RAB11FIP5: variants seen among roughly 807,000 people sequenced by gnomAD.
The protein encoded by RAB11FIP5 is rab11 family-interacting protein 5.
RAB11FIP5 carries 48 observed loss-of-function variants against 85.1 expected under a neutral mutation model. The observed-to-expected ratio is 0.56, with a 90% CI of 0.45 to 0.72. The LOEUF is 0.72. Ranked by LOEUF, RAB11FIP5 falls within the 30% of genes least tolerant of loss-of-function variation. The pLI, the probability that RAB11FIP5 is intolerant of heterozygous loss-of-function variation, is 0.00. For synonymous variants in RAB11FIP5, 729 were observed against 727.3 expected, an observed-to-expected ratio of 1.00 and a Z score of -0.04; for missense variants, 1,491 against 1,687.0, an observed-to-expected ratio of 0.88 and a Z score of 2.04.
chr2:73,098,666 C>T (rs1167283420), intron 1 of RAB11FIP5, among the ~76,000 whole-genome samples: 4 of 152,146 alleles, frequency 2.6e-5, no homozygotes, highest in East Asian at 1.9e-4. Flanking sequence ...CACTCACCCC[C>T]GCATCCAGGA....
rs1400994465 is a variant in RAB11FIP5, at chr2:73,088,147, G to A, written c.1471C>T (p.Leu491=). 1.9e-6 allele frequency: 3 copies of A among 1,614,114 alleles called. No homozygotes were observed. Among genetic ancestry groups the A allele is most frequent in the Admixed American group, 1.7e-5 (1 of 60,032 alleles). The stretch of plus-strand genomic sequence containing the variant: ...GATGAGTGATGTGGGGAGGCCCCCA[G>A]GATGGGACCCCCCTTTTCCCCCAGA... The part of the protein sequence containing the change: ...SSLGEKGGPI[L]GASPHHSSSG... The change falls in exon 3 of 6, where the codon CTG becomes TTG. Residue 491 remains leucine, a synonymous_variant. Coordinates refer to ENST00000486777, the MANE Select transcript of RAB11FIP5 (RefSeq NM_001371272.1).
rs193271368 is a variant in RAB11FIP5, at chr2:73,106,922, C to T, written c.431+5425G>A. 2.2e-4 allele frequency among the ~76,000 whole-genome samples: 33 copies of T among 152,290 alleles called. 1 individual carries two copies. Among genetic ancestry groups the T allele is most frequent in the Admixed American group, 1.4e-3 (22 of 15,306 alleles). On this transcript the variant is annotated intron_variant, in intron 1 of 5. Coordinates refer to ENST00000486777, the MANE Select transcript of RAB11FIP5 (RefSeq NM_001371272.1). The stretch of plus-strand genomic sequence containing the variant: ...ACCCCCTCCCCACCCTGCAGCTTCT[C>T]GGAGGTGCTGGCTGCCCCTGGGAGC...
At chr2:73,100,411 T>G (rs1438024233) in intron 1 of RAB11FIP5, among the ~76,000 whole-genome samples, 2 of 149,848 alleles carry the variant, frequency 1.3e-5, no homozygotes, top group African/African-American at 2.5e-5. Context: ...AAATAACGGG[T>G]TTTTTTGGTT....
chr2:73,088,639 G>A lies in RAB11FIP5; in HGVS notation c.979C>T (p.His327Tyr), dbSNP rs1684143816. Residue 327 changes from histidine to tyrosine, a missense_variant, in exon 3 of 6, where the codon CAC becomes TAC. His to Tyr is a moderately conservative substitution (Grantham distance 83, BLOSUM62 2). This residue lies in a region of RAB11FIP5 where 1,211 missense variants were observed against 1,338.0 expected (regional missense o/e 0.91). Coordinates refer to ENST00000486777, the MANE Select transcript of RAB11FIP5 (RefSeq NM_001371272.1). ...GAAGAGCGGGAGGCAGCATCCAGGT[G>A]GCCCTGAAGGTCCAGAAGGGCCCGA... Reference protein sequence around the residue: ...PPRALLDLQGHLDAASRSSLC... With the variant: ...PPRALLDLQGYLDAASRSSLC... The A allele has an allele frequency of 5.0e-6, 8 of 1,613,296 alleles. No homozygotes were observed. Among genetic ancestry groups the A allele is most frequent in the Non-Finnish European group, 6.8e-6 (8 of 1,180,030 alleles).
intron 1 of RAB11FIP5, among the ~76,000 whole-genome samples, chr2:73,101,881 A>G (rs1249562920): frequency 6.6e-6 from 1 of 152,238 alleles, no homozygotes; most frequent in Non-Finnish European, 1.5e-5. Context: ...GGCCTCAGCC[A>G]GGCCTCTGCT....
Position 73,075,787 on chromosome 2 carries a change from T to TGCCCGCCC in RAB11FIP5, c.3772-71_3772-64dup, listed in dbSNP as rs941005897. 11 of 1,415,152 alleles carry TGCCCGCCC rather than the reference T, an allele frequency of 7.8e-6. No individual in the cohort carries two copies. The highest frequency in any genetic ancestry group is 4.1e-5 in the Admixed American group (2 of 48,312). 87.7% of individuals were successfully genotyped at this position (1,415,152 alleles called of 1,614,324 possible). ...AGGCCTGCCTGCCTGCCTGCCCGCT[T>TGCCCGCCC]GCCCGCCCGCCCGCCTGCCCACCAA... On this transcript the variant is annotated intron_variant, in intron 5 of 5. Transcript: ENST00000486777. This position sits in a 1 kb window ranked among gnomAD's most constrained non-coding sequence, Gnocchi z 4.6.
In RAB11FIP5 at chr2:73,076,135, G is replaced by C; in HGVS notation, c.3629C>G (p.Pro1210Arg). The C allele has an allele frequency of 6.2e-7, 1 of 1,613,860 alleles. No individual in the cohort carries two copies. Among genetic ancestry groups the C allele is most frequent in the South Asian group, 1.1e-5 (1 of 91,086 alleles). Residue 1210 changes from proline to arginine, a missense_variant, in exon 5 of 6, where the codon CCC becomes CGC. By Grantham distance (103) the Pro-to-Arg change is moderately radical. Coordinates refer to ENST00000486777, the MANE Select transcript of RAB11FIP5 (RefSeq NM_001371272.1). Reference sequence around the variant, plus strand: ...ACTGGAGCGGGACTGCTTCCTGTCGGGGCTGCCCTCCACAGGGGCGGCACT... The same window carrying C: ...ACTGGAGCGGGACTGCTTCCTGTCGCGGCTGCCCTCCACAGGGGCGGCACT... ...PLSAAPVEGS[P>R]DRKQSRSSLS...
intron 1 of RAB11FIP5, among the ~76,000 whole-genome samples, chr2:73,099,075 G>A (rs1407313435): frequency 1.5e-5 from 2 of 132,108 alleles, no homozygotes; most frequent in East Asian, 2.2e-4. Context: ...TTGAGACAGA[G>A]TTTTGCTCTT....
chr2:73,093,274 C>T (rs1174534268), intron 1 of RAB11FIP5, among the ~76,000 whole-genome samples: 2 of 152,172 alleles, frequency 1.3e-5, no homozygotes, highest in African/African-American at 4.8e-5. Context: ...GGGAAGCTCC[C>T]TCAGCTGCCA....
intron 1 of RAB11FIP5, among the ~76,000 whole-genome samples, chr2:73,099,142 T>A (rs1207023804): frequency 6.6e-6 from 1 of 150,526 alleles, no homozygotes; most frequent in Non-Finnish European, 1.5e-5. Flanking sequence ...CTCTGCCTCC[T>A]GAGTTCAAGC....
At position 73,074,324 on chromosome 2, in the gene RAB11FIP5, A is replaced by C. The variant is rs967061859; in HGVS notation, c.*1197T>G. ...CTAAGTCCTGAGGCCAGACAATGAGAGTGAGCAGGGCAGCCCCAGGCCTGC... is the reference window on the plus strand; with the variant it reads ...CTAAGTCCTGAGGCCAGACAATGAGCGTGAGCAGGGCAGCCCCAGGCCTGC... On this transcript the variant is annotated 3_prime_UTR_variant, in exon 6 of 6. Coordinates refer to ENST00000486777, the MANE Select transcript of RAB11FIP5 (RefSeq NM_001371272.1). 2 of 152,328 alleles carry C rather than the reference A, an allele frequency of 1.3e-5. No homozygotes were observed. Among genetic ancestry groups the C allele is most frequent in the Middle Eastern group, 3.1e-3 (1 of 318 alleles). The allele number at this position is 152,328 out of a possible 1,614,324, so 9.4% of individuals were successfully genotyped here.
At position 73,078,378 on chromosome 2, in the gene RAB11FIP5, A is replaced by G. The variant is rs1445667072; in HGVS notation, c.3581+1273T>C. On this transcript the variant is annotated intron_variant, in intron 4 of 5. Coordinates refer to ENST00000486777, the MANE Select transcript of RAB11FIP5 (RefSeq NM_001371272.1). This position sits in a 1 kb window ranked among gnomAD's most constrained non-coding sequence, Gnocchi z 4.4. Reference sequence around the variant, plus strand: ...ACTCTGGGACGAATAAAACTTATAAAAAGTGGCAAGTATTATTAGAGGTCA... The same window carrying G: ...ACTCTGGGACGAATAAAACTTATAAGAAGTGGCAAGTATTATTAGAGGTCA... Among the ~76,000 whole-genome samples the G allele has an allele frequency of 1.3e-5, 2 of 152,186 alleles. No homozygotes were observed. The highest frequency in any genetic ancestry group is 2.4e-5 in the African/African-American group (1 of 41,438).
chr2:73,109,054 A>T (rs958728209), intron 1 of RAB11FIP5, among the ~76,000 whole-genome samples: 1 of 152,110 alleles, frequency 6.6e-6, no homozygotes, highest in African/African-American at 2.4e-5. Context: ...CAAAAAAGAA[A>T]AAAAAAAGGA....
intron 1 of RAB11FIP5, among the ~76,000 whole-genome samples, chr2:73,092,813 C>T (rs901493787): frequency 6.6e-6 from 1 of 152,204 alleles, no homozygotes; most frequent in Non-Finnish European, 1.5e-5. Context: ...CTCTGGACCC[C>T]AGCTGCCATC....
At chr2:73,110,499 T>C (rs2106127539) in intron 1 of RAB11FIP5, among the ~76,000 whole-genome samples, 1 of 147,788 alleles carries the variant, frequency 6.8e-6, no homozygotes. Context: ...GTTCTATAAA[T>C]AAACCAGGTT....
chr2:73,112,493 C>T lies in RAB11FIP5; in HGVS notation c.285G>A (p.Pro95=), dbSNP rs942754693. The T allele has an allele frequency of 6.7e-7, 1 of 1,488,652 alleles. No homozygotes were observed. Among genetic ancestry groups the T allele is most frequent in the African/African-American group, 1.5e-5 (1 of 68,564 alleles). The allele number at this position is 1,488,652 out of a possible 1,614,324, so 92.2% of individuals were successfully genotyped here. A position where few individuals can be genotyped will look rare whatever the true frequency, so the allele number is the denominator to read the frequency against. ...CGGCGGAGCTCGCGGCCCAGGGCGC[C>T]GGGCCCGCGTCGGCCTCCTGCGCCC... ...LLRAQEADAG[P]APWAASSAAA... Residue 95 remains proline (P), a synonymous_variant, in exon 1 of 6, where the codon CCG becomes CCA. Transcript: ENST00000486777.
chr2:73,107,231 G>T (rs1684546020), intron 1 of RAB11FIP5, among the ~76,000 whole-genome samples: 1 of 152,220 alleles, frequency 6.6e-6, no homozygotes, highest in Non-Finnish European at 1.5e-5. Context: ...AGAAAAAGAG[G>T]ACTGCTTCCC....
intron 1 of RAB11FIP5, among the ~76,000 whole-genome samples, chr2:73,093,525 C>T (rs573691995): frequency 2.1e-4 from 32 of 152,334 alleles, no homozygotes; most frequent in African/African-American, 7.7e-4. Context: ...GGAGCTGTTA[C>T]AACCCTGCAG....
At chr2:73,096,240 G>A (rs1392072897) in intron 1 of RAB11FIP5, among the ~76,000 whole-genome samples, 3 of 152,174 alleles carry the variant, frequency 2.0e-5, no homozygotes, top group Non-Finnish European at 2.9e-5. Context: ...TGCTGGTGGG[G>A]TCCCCAGGCC....
Sources: gnomAD v4.1 joint callset for allele counts (sites outside exome capture counted in the v4.1 genomes callset) on GRCh38, gnomAD v4.1.1 for gene constraint, gnomAD v4.1.1 regional missense constraint, Gnocchi (gnomAD v3.1) non-coding constraint, MANE v1.5 for transcripts, NCBI Gene and HGNC (gene_info 2026-07-23, HGNC 2026-07-21) for gene names.